The following TNKS2 variants were observed in gnomAD, a reference collection of about 807,000 sequenced individuals.
The protein encoded by TNKS2 is poly [ADP-ribose] polymerase tankyrase-2.
TNKS2 carries 72 observed loss-of-function variants against 137.6 expected under a neutral mutation model. The observed-to-expected ratio is 0.52, with a 90% CI of 0.43 to 0.64. TNKS2 has a LOEUF of 0.64. TNKS2 is among the 30% of genes least tolerant of loss of function. The pLI is 0.00. For missense variants in TNKS2, 1,049 were observed against 1,410.2 expected (o/e 0.74, Z 4.10); for synonymous variants, 516 against 512.1 (o/e 1.01, Z -0.10).
intron 1 of TNKS2, among the ~76,000 whole-genome samples, chr10:91,805,293 C>G (rs560856567): frequency 6.6e-6 from 1 of 152,182 alleles, no homozygotes; most frequent in South Asian, 2.1e-4. Flanking sequence ...CCTCTACTAT[C>G]AGTCACCAGA....
Position 91,855,076 on chromosome 10 carries a change from C to T in TNKS2, c.2863C>T (p.Leu955Phe). 1.9e-6 allele frequency: 3 copies of T among 1,612,168 alleles called. 1 individual carries two copies. In the Middle Eastern group the frequency reaches 5.0e-4, roughly 267 times the overall value. The change falls in exon 22 of 27, where the codon CTT becomes TTT. Residue 955 changes from leucine (L) to phenylalanine (F), a missense_variant. Physicochemically the swap from Leu to Phe is conservative, Grantham distance 22 (BLOSUM62 0). Transcript: ENST00000371627. ...TLNTSGSGTI[L>F]IDLSPDDKEF... is the part of the protein sequence containing the mutation. ...GAACACCTCTGGTAGTGGAACAATT[C>T]TTATAGATCTGTCTCCTGATGATAA...
At chr10:91,853,710 C>T (rs1265087301) in intron 21 of TNKS2, among the ~76,000 whole-genome samples, 1 of 152,236 alleles carries the variant, frequency 6.6e-6, no homozygotes, top group Admixed American at 6.5e-5. Context: ...AAACACTCTC[C>T]ATATGCTCTT....
In TNKS2 at chr10:91,840,638, G is replaced by T. The variant is rs777759140; in HGVS notation, c.1605G>T (p.Gly535=). The change falls in exon 14 of 27, where the codon GGG becomes GGT. Residue 535 remains glycine, a synonymous_variant. Transcript: ENST00000371627. ...RQSTPLHFAA[G]YNRVSVVEYL... is the part of the protein sequence containing the mutation. ...CTACACCACTTCATTTTGCAGCTGG[G>T]TATAACAGAGTGTCCGTGGTGGAAT... 6.2e-7 allele frequency: 1 copy of T among 1,614,112 alleles called. No homozygotes were observed. The highest frequency in any genetic ancestry group is 2.2e-5 in the East Asian group (1 of 44,874).
At chr10:91,857,073 T>C (rs1770472) in intron 23 of TNKS2, among the ~76,000 whole-genome samples, 106,195 of 152,014 alleles carry the variant, frequency 0.7, 38,285 homozygotes, top group East Asian at 0.91. Flanking sequence ...AAAAAGGATA[T>C]TCTTCTCTTT....
intron 9 of TNKS2, 60 bp downstream of exon 9, chr10:91,828,466 T>C (rs1028391245): frequency 1.4e-6 from 2 of 1,396,918 alleles, no homozygotes; most frequent in African/African-American, 1.5e-5. Flanking sequence ...AAACTAATCA[T>C]AATATCCTAC....
At chr10:91,851,050 C>A (rs1046832181) in intron 20 of TNKS2, among the ~76,000 whole-genome samples, 166 bp from the exon 21 acceptor site, 13 of 152,086 alleles carry the variant, frequency 8.5e-5, no homozygotes, top group African/African-American at 3.1e-4. Flanking sequence ...TTTTGTTTTG[C>A]GTTTTAGTTC....
At chr10:91,819,886 AT>A in intron 5 of TNKS2, 52 bp from the exon 6 acceptor site, 1 of 1,392,486 alleles carries the variant, frequency 7.2e-7, no homozygotes, top group South Asian at 1.4e-5. Context: ...CCTCTCACAC[AT>A]TTTATTCAAC....
At position 91,857,524 on chromosome 10, in the gene TNKS2, T is replaced by G. The variant is rs777056838; in HGVS notation, c.3088T>G (p.Phe1030Val). The G allele has an allele frequency of 3.1e-6, 5 of 1,607,946 alleles. No homozygotes were observed. The highest frequency in any genetic ancestry group is 4.3e-6 in the Non-Finnish European group (5 of 1,175,836). Residue 1030 changes from phenylalanine to valine, a missense_variant, in exon 24 of 27, where the codon TTT (phenylalanine) becomes GTT (valine). Transcript: ENST00000371627. The stretch of plus-strand genomic sequence containing the variant: ...CAACCATGCCAATGAACGAATGCTA[T>G]TTCATGGTAAGATTCCTCCCCACCA... ...NHNHANERMLFHGSPFVNAII... is the reference protein window; with the variant it reads ...NHNHANERMLVHGSPFVNAII...
chr10:91,859,514 G>A lies in TNKS2; in HGVS notation c.3147G>A (p.Ala1049=), dbSNP rs773164571. The A allele has an allele frequency of 2.3e-5, 37 of 1,613,688 alleles. No individual in the cohort carries two copies. The highest frequency in any genetic ancestry group is 3.1e-5 in the Non-Finnish European group (36 of 1,179,880). Residue 1049 remains alanine (A), a synonymous_variant, in exon 25 of 27, where the codon GCG becomes GCA. Transcript: ENST00000371627. ...ACAAAGGCTTTGATGAAAGGCATGC[G>A]TACATAGGTGGTATGTTTGGAGCTG... ...IIHKGFDERH[A]YIGGMFGAGI... is the part of the protein sequence containing the mutation.
At chr10:91,856,358 GACAAATGCCTTTCTAATAC>G (rs1172941423) in intron 23 of TNKS2, among the ~76,000 whole-genome samples, 12 of 152,120 alleles carry the variant, frequency 7.9e-5, no homozygotes, top group African/African-American at 2.7e-4. Flanking sequence ...ATTAATATGT[GACAAATGCCTTTCTAATAC>G]ACAAATGCTA....
intron 23 of TNKS2, among the ~76,000 whole-genome samples, chr10:91,856,451 A>G (rs1842706404): frequency 6.6e-6 from 1 of 152,216 alleles, no homozygotes; most frequent in Non-Finnish European, 1.5e-5. Context: ...TACTATGAGT[A>G]TAATATGTAA....
At position 91,864,031 on chromosome 10, in the gene TNKS2, A is replaced by G. The variant is rs1376494572; in HGVS notation, c.*1032A>G. The G allele has an allele frequency of 6.6e-6, 1 of 152,088 alleles. No homozygotes were observed. The highest frequency in any genetic ancestry group is 2.1e-4 in the South Asian group (1 of 4,826). The allele number at this position is 152,088 out of a possible 1,614,324, so 9.4% of individuals were successfully genotyped here. ...GACTGGGTAGTTTTTTATCCTAAGT[A>G]TATTTTTTCCTGTTCTTTTTACTTG... On this transcript the variant is annotated 3_prime_UTR_variant, in exon 27 of 27. Coordinates refer to ENST00000371627, the MANE Select transcript of TNKS2 (RefSeq NM_025235.4).
At position 91,842,263 on chromosome 10, in the gene TNKS2, G is replaced by A. The variant is rs1220025352; in HGVS notation, c.1931G>A (p.Arg644Lys). 1.2e-6 allele frequency: 2 copies of A among 1,613,930 alleles called. No homozygotes were observed. The highest frequency in any genetic ancestry group is 1.7e-6 in the Non-Finnish European group (2 of 1,179,966). Residue 644 changes from arginine to lysine, a missense_variant, in exon 16 of 27, where the codon AGG becomes AAG. This residue lies in a region of TNKS2 where 328 missense variants were observed against 436.0 expected (regional missense o/e 0.75). Coordinates refer to ENST00000371627, the MANE Select transcript of TNKS2 (RefSeq NM_025235.4). ...GATACAGATATTCAAGATCTGCTTA[G>A]GGGAGATGCAGCTTTGCTAGATGCT... Reference protein sequence around the residue: ...DGDTDIQDLLRGDAALLDAAK... With the variant: ...DGDTDIQDLLKGDAALLDAAK...
intron 1 of TNKS2, among the ~76,000 whole-genome samples, chr10:91,811,227 G>A (rs1276281573): frequency 6.6e-6 from 1 of 151,582 alleles, no homozygotes; most frequent in Non-Finnish European, 1.5e-5. Context: ...CCCAGCCCAA[G>A]CATTTATTCT....
Position 91,855,637 on chromosome 10 carries a change from C to T in TNKS2, c.2937C>T (p.His979=), listed in dbSNP as rs760941249. 6.2e-7 allele frequency: 1 copy of T among 1,612,828 alleles called. No homozygotes were observed. Among genetic ancestry groups the T allele is most frequent in the East Asian group, 2.2e-5 (1 of 44,740 alleles). ...EEEMQSTVRE[H]RDGGHAGGIF... is the part of the protein sequence containing the mutation. Reference sequence around the variant, plus strand: ...AGATGCAAAGTACAGTTCGAGAGCACAGAGATGGAGGTCATGCAGGTGGAA... The same window carrying T: ...AGATGCAAAGTACAGTTCGAGAGCATAGAGATGGAGGTCATGCAGGTGGAA... The change falls in exon 23 of 27, where the codon CAC becomes CAT. Residue 979 remains histidine, a synonymous_variant. Coordinates refer to ENST00000371627, the MANE Select transcript of TNKS2 (RefSeq NM_025235.4).
intron 2 of TNKS2, 32 bp downstream of exon 2, chr10:91,813,239 A>G: frequency 6.5e-7 from 1 of 1,548,624 alleles, no homozygotes; most frequent in South Asian, 1.1e-5. Flanking sequence ...ACTTTTACTA[A>G]TGTTGTAACT....
At chr10:91,826,421 T>G (rs904664338) in intron 7 of TNKS2, among the ~76,000 whole-genome samples, 1 of 152,174 alleles carries the variant, frequency 6.6e-6, no homozygotes, top group Non-Finnish European at 1.5e-5. Context: ...TGTGAAATAC[T>G]CCTCAACAAT....
At chr10:91,856,824 C>T (rs1161633746) in intron 23 of TNKS2, among the ~76,000 whole-genome samples, 1 of 152,116 alleles carries the variant, frequency 6.6e-6, no homozygotes, top group East Asian at 1.9e-4. Flanking sequence ...CTCTAGGAAC[C>T]AGCAGGGGGC....
At chr10:91,805,947 T>C (rs982001452) in intron 1 of TNKS2, among the ~76,000 whole-genome samples, 1 of 152,048 alleles carries the variant, frequency 6.6e-6, no homozygotes, top group Non-Finnish European at 1.5e-5. Context: ...CAGGAAGTGA[T>C]CAGGAAGGAA....
Sources: gnomAD v4.1 joint callset for allele counts (sites outside exome capture counted in the v4.1 genomes callset) on GRCh38, gnomAD v4.1.1 for gene constraint, gnomAD v4.1.1 regional missense constraint, MANE v1.5 for transcripts, NCBI Gene and HGNC (gene_info 2026-07-23, HGNC 2026-07-21) for gene names.